Variants in EYS observed in about 807,000 individuals in gnomAD.
EYS encodes the protein protein eyes shut homolog.
Under a neutral mutation model 282.1 loss-of-function variants are expected in EYS, and 250 were observed. The ratio of observed to expected loss-of-function variants is 0.89; its 90% CI spans 0.80 to 0.98. The LOEUF (loss-of-function observed/expected upper bound fraction) is 0.98. EYS is among the 50% of genes least tolerant of loss of function. The pLI is 0.00. For missense variants in EYS, 4,016 were observed against 3,709.0 expected, an observed-to-expected ratio of 1.08 and a Z score of -2.15; for synonymous variants, 1,355 against 1,282.9, an observed-to-expected ratio of 1.06 and a Z score of -1.20.
At chr6:65,419,541 A>G (rs914170688) in intron 5 of EYS, among the ~76,000 whole-genome samples, 1 of 152,012 alleles carries the variant, frequency 6.6e-6, no homozygotes, top group East Asian at 1.9e-4. Flanking sequence ...TTTGTTCATT[A>G]TGTTCTAGAA....
rs986357467 is a variant in EYS, at chr6:65,421,843, G to A, written c.863-16476C>T. Among the ~76,000 whole-genome samples, 6 of 151,822 alleles carry A rather than the reference G, an allele frequency of 4.0e-5. No individual in the cohort carries two copies. In the East Asian group the frequency reaches 9.6e-4, roughly 24 times the overall value. Reference sequence around the variant, plus strand: ...CAGTTGGAAGCAATCAGAACCACACGACATTTATCTACTAAGTTTTCCGTA... The same window carrying A: ...CAGTTGGAAGCAATCAGAACCACACAACATTTATCTACTAAGTTTTCCGTA... On this transcript the variant is annotated intron_variant, in intron 5 of 42. Transcript: ENST00000503581.
chr6:65,262,758 A>C (rs1222476795), intron 12 of EYS, among the ~76,000 whole-genome samples: 1 of 152,138 alleles, frequency 6.6e-6, no homozygotes, highest in Non-Finnish European at 1.5e-5. Flanking sequence ...TGCACTAGTT[A>C]GGTTCATTTA....
At chr6:64,356,494 T>C (rs1191734905) in intron 29 of EYS, among the ~76,000 whole-genome samples, 1 of 151,730 alleles carries the variant, frequency 6.6e-6, no homozygotes, top group Non-Finnish European at 1.5e-5. Context: ...TAATCATGTG[T>C]AGAATAATTA....
intron 1 of EYS, among the ~76,000 whole-genome samples, chr6:65,706,613 G>A (rs1209049462): frequency 6.6e-6 from 1 of 152,068 alleles, no homozygotes; most frequent in Non-Finnish European, 1.5e-5. Flanking sequence ...TCCTCACAGT[G>A]CCATTGAAGA....
At chr6:64,834,424 T>C (rs1765321473) in intron 19 of EYS, among the ~76,000 whole-genome samples, 1 of 151,848 alleles carries the variant, frequency 6.6e-6, no homozygotes, top group African/African-American at 2.4e-5. Context: ...ATATAATGTC[T>C]ACTGTTCTCC....
intron 22 of EYS, among the ~76,000 whole-genome samples, chr6:64,802,863 A>T (rs1026588453): frequency 3.2e-4 from 48 of 152,306 alleles, no homozygotes; most frequent in Non-Finnish European, 1.3e-4. Flanking sequence ...CTGAGACTAG[A>T]CTGATTTGCC....
intron 7 of EYS, among the ~76,000 whole-genome samples, chr6:65,389,662 G>A (rs1423913091): frequency 1.3e-5 from 2 of 152,072 alleles, no homozygotes; most frequent in African/African-American, 4.8e-5. Context: ...GACAAGACGT[G>A]TCAAAAGAGA....
intron 29 of EYS, among the ~76,000 whole-genome samples, chr6:64,375,189 C>T (rs1645723295): frequency 6.6e-6 from 1 of 152,146 alleles, no homozygotes; most frequent in East Asian, 1.9e-4. Context: ...AAGTATTTTC[C>T]AATCCTGTGG....
chr6:65,684,420 G>A (rs1000599081), intron 1 of EYS, among the ~76,000 whole-genome samples: 6 of 151,952 alleles, frequency 3.9e-5, no homozygotes, highest in Admixed American at 6.6e-5. Flanking sequence ...GTGGGAGCAC[G>A]TTCAAAAGAA....
At position 64,591,967 on chromosome 6, in the gene EYS, G is replaced by C. The variant is rs1179709223; in HGVS notation, c.3900C>G (p.Val1300=). 1 of 1,498,158 alleles carries C rather than the reference G, an allele frequency of 6.7e-7. No individual in the cohort carries two copies. Among genetic ancestry groups the C allele is most frequent in the Admixed American group, 2.4e-5 (1 of 42,052 alleles). 92.8% of individuals were successfully genotyped at this position (1,498,158 alleles called of 1,614,324 possible). The change falls in exon 26 of 43, where the codon GTC becomes GTG. Residue 1300 remains valine, a synonymous_variant. Transcript: ENST00000503581. ...CAGTGGTTGGGAGAATGTCGTGCTTGACAATGCCTGTCTGTTTTGGACCTA... is the reference window on the plus strand; with the variant it reads ...CAGTGGTTGGGAGAATGTCGTGCTTCACAATGCCTGTCTGTTTTGGACCTA... ...VDQGPKQTGI[V]KHDILPTTGL...
Position 65,396,024 on chromosome 6 carries a change from A to T in EYS, c.1184+6454T>A, listed in dbSNP as rs111605991. 3.6e-3 allele frequency among the ~76,000 whole-genome samples: 545 copies of T among 152,264 alleles called. 2 individuals carry two copies. The highest frequency in any genetic ancestry group is 0.01 in the Middle Eastern group (3 of 294). On this transcript the variant is annotated intron_variant, in intron 7 of 42. Transcript: ENST00000503581. ...TCATCCATGCTGCCGCAGATGACAA[A>T]ATTTCCTTCTTTATGTGGCTGTGTA...
chr6:65,030,492 G>GC (rs1413218672), intron 13 of EYS, among the ~76,000 whole-genome samples: 1 of 152,116 alleles, frequency 6.6e-6, no homozygotes, highest in Non-Finnish European at 1.5e-5. Flanking sequence ...AGAACTCACT[G>GC]CATCCCCTGA....
At chr6:63,731,961 A>G (rs763315149) in intron 41 of EYS, among the ~76,000 whole-genome samples, 1 of 151,880 alleles carries the variant, frequency 6.6e-6, no homozygotes. Flanking sequence ...TGGATTTAAC[A>G]TCTGGGAGGG....
In EYS at chr6:65,437,195, A is replaced by T. The variant is rs186218332; in HGVS notation, c.863-31828T>A. On this transcript the variant is annotated intron_variant, in intron 5 of 42. Coordinates refer to ENST00000503581, the MANE Select transcript of EYS (RefSeq NM_001142800.2). Reference sequence around the variant, plus strand: ...TGCTGTTTTACTAAAATGGCTCATAATGTGAAATTTATTTCAAAATAATAA... The same window carrying T: ...TGCTGTTTTACTAAAATGGCTCATATTGTGAAATTTATTTCAAAATAATAA... 5.7e-3 allele frequency among the ~76,000 whole-genome samples: 864 copies of T among 152,244 alleles called. 13 individuals are homozygous for T. The highest frequency in any genetic ancestry group is 0.019 in the African/African-American group (771 of 41,576).
At chr6:65,187,577 T>G (rs2150237465) in intron 12 of EYS, among the ~76,000 whole-genome samples, 1 of 151,856 alleles carries the variant, frequency 6.6e-6, no homozygotes, top group South Asian at 2.1e-4. Flanking sequence ...GGGCTTATTC[T>G]GTTATTATTT....
intron 31 of EYS, among the ~76,000 whole-genome samples, chr6:64,130,248 C>G (rs1052239776): frequency 6.6e-6 from 1 of 152,106 alleles, no homozygotes; most frequent in Admixed American, 6.5e-5. Context: ...CAACAACGAT[C>G]GACTGGATTA....
intron 22 of EYS, among the ~76,000 whole-genome samples, chr6:64,742,549 A>G (rs1772410978): frequency 6.6e-6 from 1 of 152,164 alleles, no homozygotes. Flanking sequence ...ACTGATCGAG[A>G]GAGTAGAATT....
At chr6:64,365,596 A>G (rs1772157164) in intron 29 of EYS, among the ~76,000 whole-genome samples, 1 of 152,022 alleles carries the variant, frequency 6.6e-6, no homozygotes, top group South Asian at 2.1e-4. Flanking sequence ...AGGGCAATTC[A>G]TTTGTACAGT....
At chr6:64,789,739 G>T (rs1375816357) in intron 22 of EYS, among the ~76,000 whole-genome samples, 1 of 151,806 alleles carries the variant, frequency 6.6e-6, no homozygotes, top group African/African-American at 2.4e-5. Flanking sequence ...AAAACTGCAA[G>T]CTCTTTAAAG....
Sources: gnomAD v4.1 joint callset for allele counts (sites outside exome capture counted in the v4.1 genomes callset) on GRCh38, gnomAD v4.1.1 for gene constraint, MANE v1.5 for transcripts, NCBI Gene and HGNC (gene_info 2026-07-23, HGNC 2026-07-21) for gene names.